The following ZSWIM6 variants were observed in gnomAD, a reference collection of about 807,000 sequenced individuals.
ZSWIM6 encodes zinc finger SWIM-type containing 6.
ZSWIM6 carries 9 observed loss-of-function variants against 113.2 expected under a neutral mutation model. The observed-to-expected ratio is 0.08, with a 90% CI of 0.05 to 0.14. ZSWIM6 has a LOEUF of 0.14. Among genes scored for constraint, ZSWIM6 ranks in the 10% least tolerant of loss-of-function variants. The pLI is 1.00. For synonymous variants in ZSWIM6, 611 were observed against 606.5 expected (o/e 1.01, Z -0.11); for missense variants, 1,162 against 1,552.2 (o/e 0.75, Z 4.22).
intron 5 of ZSWIM6, among the ~76,000 whole-genome samples, chr5:61,521,905 T>C (rs982753621): frequency 6.6e-6 from 1 of 152,154 alleles, no homozygotes; most frequent in African/African-American, 2.4e-5. Context: ...TAAGGAAATA[T>C]TTTATGACTC....
At chr5:61,492,224 T>A (rs1488642398) in intron 3 of ZSWIM6, among the ~76,000 whole-genome samples, 1 of 152,116 alleles carries the variant, frequency 6.6e-6, no homozygotes, top group Non-Finnish European at 1.5e-5. Context: ...AATCCATAAA[T>A]ACTAATAATG....
chr5:61,400,451 G>C (rs1272838833), intron 1 of ZSWIM6, among the ~76,000 whole-genome samples: 1 of 152,136 alleles, frequency 6.6e-6, no homozygotes, highest in African/African-American at 2.4e-5. Context: ...GCAGCACAAG[G>C]CATGCTAAGA....
intron 4 of ZSWIM6, among the ~76,000 whole-genome samples, chr5:61,494,980 A>G (rs1042898641): frequency 6.6e-6 from 1 of 152,210 alleles, no homozygotes; most frequent in African/African-American, 2.4e-5. Context: ...AGTCATGTTC[A>G]TTAAAAGAAT....
chr5:61,447,254 A>G (rs1746974995), intron 1 of ZSWIM6, among the ~76,000 whole-genome samples: 2 of 152,172 alleles, frequency 1.3e-5, no homozygotes, highest in South Asian at 4.1e-4. Context: ...CAGTATTAAA[A>G]AAAAGTCAGT....
chr5:61,349,886 CCCTCTCACAGATGA>C (rs1285051900), intron 1 of ZSWIM6, among the ~76,000 whole-genome samples: 3 of 152,108 alleles, frequency 2.0e-5, no homozygotes, highest in African/African-American at 7.2e-5. Flanking sequence ...TGAAAACTCT[CCCTCTCACAGATGA>C]TATGCAAAAA....
intron 4 of ZSWIM6, among the ~76,000 whole-genome samples, chr5:61,517,394 C>T (rs1240268594): frequency 1.3e-5 from 2 of 152,222 alleles, no homozygotes; most frequent in Non-Finnish European, 2.9e-5. Flanking sequence ...CTGTCATCTC[C>T]GTTCTGCTAT....
chr5:61,421,183 G>A (rs1746347963), intron 1 of ZSWIM6, among the ~76,000 whole-genome samples: 1 of 152,092 alleles, frequency 6.6e-6, no homozygotes, highest in Non-Finnish European at 1.5e-5. Context: ...GCCTCCCAAA[G>A]TGCTGGGATT....
chr5:61,543,004 C>T lies in ZSWIM6; in HGVS notation c.2786-451C>T, dbSNP rs1469011079. Among the ~76,000 whole-genome samples, 1 of 152,198 alleles carries T rather than the reference C, an allele frequency of 6.6e-6. No individual in the cohort carries two copies. The highest frequency in any genetic ancestry group is 1.5e-5 in the Non-Finnish European group (1 of 68,040). On this transcript the variant is annotated intron_variant, in intron 13 of 13. Transcript: ENST00000252744. This position sits in a 1 kb window ranked among gnomAD's most constrained non-coding sequence, Gnocchi z 4.3. ...ACTTTGTTCTCTTGATTATGGGCCA[C>T]ATTTTCCAGCTTCTTTGTGTGTTTT...
Position 61,544,308 on chromosome 5 carries a change from G to A in ZSWIM6, c.3639G>A (p.Arg1213=). ...AACTGATGATGTTGGTTCGGGAGAG[G>A]TTTGGTTGATAGATCTTGTATGAAT... ...KKKLMMLVRE[R]FG is the part of the protein sequence containing the mutation. The change falls in exon 14 of 14, where the codon AGG becomes AGA. Residue 1213 remains arginine (R), a synonymous_variant. Transcript: ENST00000252744. The A allele has an allele frequency of 7.9e-7, 1 of 1,267,326 alleles. No homozygotes were observed. The highest frequency in any genetic ancestry group is 1.3e-5 in the South Asian group (1 of 78,824). The allele number at this position is 1,267,326 out of a possible 1,614,324, so 78.5% of individuals were successfully genotyped here.
chr5:61,417,820 A>G (rs1167874253), intron 1 of ZSWIM6, among the ~76,000 whole-genome samples: 1 of 152,198 alleles, frequency 6.6e-6, no homozygotes, highest in Middle Eastern at 3.2e-3. Context: ...TTTAAAGCAG[A>G]TTGTACATAT....
At chr5:61,364,420 A>T (rs926991348) in intron 1 of ZSWIM6, among the ~76,000 whole-genome samples, 2 of 152,074 alleles carry the variant, frequency 1.3e-5, no homozygotes, top group Non-Finnish European at 2.9e-5. Context: ...AATGTTTTTT[A>T]TTTTTATTTT....
intron 2 of ZSWIM6, among the ~76,000 whole-genome samples, chr5:61,475,372 C>A (rs1435930953): frequency 6.6e-6 from 1 of 152,086 alleles, no homozygotes; most frequent in East Asian, 1.9e-4. Context: ...ATTTTTCAAT[C>A]TATTTTGAAA....
At chr5:61,518,213 A>G (rs1749011063) in intron 4 of ZSWIM6, among the ~76,000 whole-genome samples, 1 of 151,826 alleles carries the variant, frequency 6.6e-6, no homozygotes, top group Admixed American at 6.6e-5. Context: ...GTTGGTTCCA[A>G]GTCTTTGCTA....
chr5:61,544,458 C>T lies in ZSWIM6; in HGVS notation c.*141C>T. On this transcript the variant is annotated 3_prime_UTR_variant, in exon 14 of 14. Coordinates refer to ENST00000252744, the MANE Select transcript of ZSWIM6 (RefSeq NM_020928.2). ...TGTATAGTTATATTGCGTTTGCAGA[C>T]TAAATTGTCATGTTGTGAAAGTTTG... The T allele has an allele frequency of 2.3e-6, 1 of 434,326 alleles. No individual in the cohort carries two copies. Among genetic ancestry groups the T allele is most frequent in the East Asian group, 3.6e-5 (1 of 27,900 alleles). The allele number at this position is 434,326 out of a possible 1,614,324, so 26.9% of individuals were successfully genotyped here.
chr5:61,358,153 T>C (rs1292527948), intron 1 of ZSWIM6, among the ~76,000 whole-genome samples: 1 of 152,240 alleles, frequency 6.6e-6, no homozygotes, highest in East Asian at 1.9e-4. Context: ...TCCTGTTCTT[T>C]TTGTTTCAAT....
chr5:61,532,492 A>G (rs1329219989), intron 9 of ZSWIM6, among the ~76,000 whole-genome samples: 1 of 152,126 alleles, frequency 6.6e-6, no homozygotes, highest in Non-Finnish European at 1.5e-5. Flanking sequence ...GTGTGTTATT[A>G]TGGGATTCTC....
chr5:61,363,202 A>G (rs1027072545), intron 1 of ZSWIM6, among the ~76,000 whole-genome samples: 2 of 152,202 alleles, frequency 1.3e-5, no homozygotes, highest in South Asian at 2.1e-4. Flanking sequence ...TCTGAGGCCA[A>G]TCAAATGGAA....
chr5:61,356,633 GTAA>G (rs1482066331), intron 1 of ZSWIM6, among the ~76,000 whole-genome samples: 3 of 144,914 alleles, frequency 2.1e-5, no homozygotes, highest in African/African-American at 5.1e-5. Context: ...GGCTTTTATA[GTAA>G]TAAGCTGTCT....
At chr5:61,437,451 G>A (rs561784900) in intron 1 of ZSWIM6, among the ~76,000 whole-genome samples, 1 of 152,142 alleles carries the variant, frequency 6.6e-6, no homozygotes, top group Non-Finnish European at 1.5e-5. Flanking sequence ...GGCCGGGTGC[G>A]GTGGCTCACG....
Sources: gnomAD v4.1 joint callset for allele counts (sites outside exome capture counted in the v4.1 genomes callset) on GRCh38, gnomAD v4.1.1 for gene constraint, Gnocchi (gnomAD v3.1) non-coding constraint, MANE v1.5 for transcripts, NCBI Gene and HGNC (gene_info 2026-07-23, HGNC 2026-07-21) for gene names.